TBC1D5: variants seen among roughly 807,000 people sequenced by gnomAD.
The protein encoded by TBC1D5 is TBC1 domain family member 5.
A neutral mutation model predicts 100.3 loss-of-function variants in TBC1D5; 75 were observed. The ratio of observed to expected loss-of-function variants is 0.75; its 90% CI spans 0.62 to 0.91. The LOEUF (loss-of-function observed/expected upper bound fraction) is 0.91. TBC1D5 is among the 40% of genes least tolerant of loss of function. The probability of loss-of-function intolerance (pLI) is 0.00; values close to 1 mark genes in which losing one functional copy is unlikely to be tolerated. For synonymous variants in TBC1D5, 323 were observed against 325.6 expected, an observed-to-expected ratio of 0.99 and a Z score of 0.09; for missense variants, 910 against 942.4, an observed-to-expected ratio of 0.97 and a Z score of 0.45.
intron 3 of TBC1D5, among the ~76,000 whole-genome samples, chr3:17,443,759 A>G (rs2094718767): frequency 6.6e-6 from 1 of 152,200 alleles, no homozygotes; most frequent in African/African-American, 2.4e-5. Flanking sequence ...GTAAAGAACA[A>G]TACCTGAAAT....
chr3:17,734,811 C>T (rs953391400), intron 1 of TBC1D5, among the ~76,000 whole-genome samples: 1 of 152,112 alleles, frequency 6.6e-6, no homozygotes, highest in Non-Finnish European at 1.5e-5. Context: ...GCAACCCAGG[C>T]GTGGTGGCTC....
At chr3:17,301,161 TTAAAA>T (rs918056008) in intron 14 of TBC1D5, among the ~76,000 whole-genome samples, 2 of 152,118 alleles carry the variant, frequency 1.3e-5, no homozygotes, top group Non-Finnish European at 2.9e-5. Context: ...TATGTTATGT[TTAAAA>T]TAGAGACAAT....
chr3:17,220,816 A>C (rs969334241), intron 17 of TBC1D5, among the ~76,000 whole-genome samples: 2 of 152,152 alleles, frequency 1.3e-5, no homozygotes, highest in African/African-American at 4.8e-5. Flanking sequence ...AATTACTTTT[A>C]AAAGGCCATA....
intron 1 of TBC1D5, among the ~76,000 whole-genome samples, chr3:17,643,306 A>G (rs1042156419): frequency 5.3e-5 from 8 of 152,122 alleles, no homozygotes; most frequent in African/African-American, 1.9e-4. Flanking sequence ...ATTATATCAG[A>G]TGTTAATATA....
intron 16 of TBC1D5, among the ~76,000 whole-genome samples, chr3:17,255,393 G>C (rs1256188716): frequency 6.6e-6 from 1 of 151,950 alleles, no homozygotes; most frequent in Non-Finnish European, 1.5e-5. Flanking sequence ...ATAGAGACAG[G>C]GTTTCACCAC....
At chr3:17,649,928 T>G (rs2065377301) in intron 1 of TBC1D5, among the ~76,000 whole-genome samples, 1 of 151,926 alleles carries the variant, frequency 6.6e-6, no homozygotes, top group African/African-American at 2.4e-5. Context: ...ATAAAGAAAA[T>G]GTGGCCCATA....
chr3:17,195,984 G>A (rs1385758648), intron 18 of TBC1D5, among the ~76,000 whole-genome samples: 1 of 152,074 alleles, frequency 6.6e-6, no homozygotes, highest in Non-Finnish European at 1.5e-5. Flanking sequence ...CAACTTTTCA[G>A]GCTCTAGAGG....
intron 13 of TBC1D5, among the ~76,000 whole-genome samples, chr3:17,330,492 C>G (rs1027500702): frequency 5.9e-5 from 9 of 152,050 alleles, no homozygotes; most frequent in Non-Finnish European, 1.2e-4. Context: ...CTGATAGCCT[C>G]AAACCTCCCA....
chr3:17,294,195 C>CATTTATTTATTTATTTATTT (rs35808278), intron 14 of TBC1D5, among the ~76,000 whole-genome samples: 2 of 150,474 alleles, frequency 1.3e-5, no homozygotes, highest in African/African-American at 4.9e-5. Context: ...ATTGACTAAT[C>CATTTATTTATTTATTTATTT]ATTTATTTAT....
intron 18 of TBC1D5, among the ~76,000 whole-genome samples, chr3:17,202,866 T>C (rs114489004): frequency 0.014 from 2,110 of 152,324 alleles, 41 homozygotes; most frequent in African/African-American, 0.048. Flanking sequence ...ATGGTGGAAG[T>C]TGGCTATAGG....
At chr3:17,702,529 T>C (rs1177639013) in intron 1 of TBC1D5, among the ~76,000 whole-genome samples, 1 of 152,036 alleles carries the variant, frequency 6.6e-6, no homozygotes, top group Non-Finnish European at 1.5e-5. Flanking sequence ...ATAAATTGAA[T>C]GTAACAATGT....
chr3:17,455,251 T>C (rs1353196709), intron 3 of TBC1D5, among the ~76,000 whole-genome samples: 1 of 147,294 alleles, frequency 6.8e-6, no homozygotes, highest in Non-Finnish European at 1.5e-5. Flanking sequence ...TATTATTGTA[T>C]ATATGTATAC....
chr3:17,209,960 T>C (rs1043616869), intron 18 of TBC1D5, among the ~76,000 whole-genome samples: 2 of 152,186 alleles, frequency 1.3e-5, no homozygotes, highest in Non-Finnish European at 2.9e-5. Flanking sequence ...ATTATCATTC[T>C]GGGGATCTTT....
chr3:17,227,690 C>T (rs1244770299), intron 17 of TBC1D5, among the ~76,000 whole-genome samples: 1 of 151,586 alleles, frequency 6.6e-6, no homozygotes, highest in Admixed American at 6.6e-5. Context: ...GACACTGGGG[C>T]TTACTTGAAT....
upstream of TBC1D5, among the ~76,000 whole-genome samples, chr3:17,741,792 C>G (rs1390309204): frequency 6.8e-6 from 1 of 148,038 alleles, no homozygotes; most frequent in Admixed American, 6.7e-5. Flanking sequence ...GATTTGCCCT[C>G]CCTGCGAATT....
intron 15 of TBC1D5, among the ~76,000 whole-genome samples, chr3:17,271,272 T>G (rs1428122065): frequency 6.6e-6 from 1 of 152,200 alleles, no homozygotes; most frequent in East Asian, 1.9e-4. Flanking sequence ...CATTTGTTTT[T>G]GTCACCTATG....
At chr3:17,731,509 A>C (rs1234434470) in intron 1 of TBC1D5, among the ~76,000 whole-genome samples, 1 of 151,380 alleles carries the variant, frequency 6.6e-6, no homozygotes, top group Non-Finnish European at 1.5e-5. Flanking sequence ...TGTCTCAAAA[A>C]AAAAAAAAAA....
chr3:17,160,583 A>G (rs574379016), exon 22 of TBC1D5: 6 of 192,230 alleles, frequency 3.1e-5, no homozygotes, highest in African/African-American at 1.4e-4. Context: ...GCTCCTTCTA[A>G]GTATAACTGA....
intron 3 of TBC1D5, among the ~76,000 whole-genome samples, chr3:17,476,026 A>AAAGG (rs2095434113): frequency 2.0e-5 from 3 of 152,012 alleles, no homozygotes; most frequent in Non-Finnish European, 2.9e-5. Flanking sequence ...CTTTACTACA[A>AAAGG]AATATAGGCC....
Sources: allele counts gnomAD v4.1 joint callset (sites outside exome capture counted in the v4.1 genomes callset), GRCh38; gene constraint gnomAD v4.1.1; transcripts MANE v1.5; gene names NCBI Gene and HGNC (gene_info 2026-07-23, HGNC 2026-07-21).